Variants in NYAP2 observed in about 807,000 individuals in gnomAD.
NYAP2 encodes neuronal tyrosine-phosphorylated phosphoinositide-3-kinase adapter 2.
A neutral mutation model predicts 50.4 loss-of-function variants in NYAP2; 23 were observed. The ratio of observed to expected loss-of-function variants is 0.46; its 90% confidence interval spans 0.33 to 0.65. The LOEUF (loss-of-function observed/expected upper bound fraction) is 0.65. NYAP2 is among the 30% of genes least tolerant of loss of function. NYAP2 has a pLI of 0.02. For synonymous variants in NYAP2, 394 were observed against 365.2 expected, an observed-to-expected ratio of 1.08 and a Z score of -0.90; for missense variants, 885 against 861.0, an observed-to-expected ratio of 1.03 and a Z score of -0.35.
intron 3 of NYAP2, among the ~76,000 whole-genome samples, chr2:225,452,731 C>A (rs534552438): frequency 6.6e-6 from 1 of 152,194 alleles, no homozygotes; most frequent in African/African-American, 2.4e-5. Context: ...CTTTCCAAGT[C>A]AATAGTAAAA....
the NYAP2 span, among the ~76,000 whole-genome samples, chr2:225,691,762 C>G: frequency 6.6e-6 from 1 of 152,194 alleles, no homozygotes; most frequent in South Asian, 2.1e-4. Context: ...GGGTTTCATG[C>G]CTTCTCTTCC....
At chr2:225,627,773 A>G (rs1693234800) in intron 6 of NYAP2, among the ~76,000 whole-genome samples, 1 of 152,212 alleles carries the variant, frequency 6.6e-6, no homozygotes, top group Admixed American at 6.5e-5. Context: ...TTAAACATCA[A>G]CTTTTTAAAA....
chr2:225,645,109 T>A (rs1163143240), intron 6 of NYAP2, among the ~76,000 whole-genome samples: 1 of 151,992 alleles, frequency 6.6e-6, no homozygotes, highest in Non-Finnish European at 1.5e-5. Context: ...AAAATACAGG[T>A]TAGCCGTCCA....
At chr2:225,440,479 A>G (rs1363331255) in intron 3 of NYAP2, among the ~76,000 whole-genome samples, 1 of 152,220 alleles carries the variant, frequency 6.6e-6, no homozygotes, top group Non-Finnish European at 1.5e-5. Flanking sequence ...TTGGAGAAGC[A>G]TTGTGGTTCT....
intron 4 of NYAP2, among the ~76,000 whole-genome samples, chr2:225,569,078 T>A (rs1024218845): frequency 6.6e-6 from 1 of 152,150 alleles, no homozygotes; most frequent in Non-Finnish European, 1.5e-5. Context: ...TGCAGCTATA[T>A]GAGGGATAGC....
intron 4 of NYAP2, among the ~76,000 whole-genome samples, chr2:225,575,802 G>A (rs904952140): frequency 6.6e-6 from 1 of 152,202 alleles, no homozygotes; most frequent in African/African-American, 2.4e-5. Context: ...TCAGCCAGAT[G>A]TGTTCTGGCT....
chr2:225,483,575 CGT>C (rs1449915094), intron 3 of NYAP2, among the ~76,000 whole-genome samples: 3 of 151,970 alleles, frequency 2.0e-5, no homozygotes, highest in African/African-American at 4.8e-5. Context: ...AAAAGTGAGA[CGT>C]GTGTGCACAC....
At chr2:225,453,009 G>T (rs1322871775) in intron 3 of NYAP2, among the ~76,000 whole-genome samples, 1 of 152,182 alleles carries the variant, frequency 6.6e-6, no homozygotes, top group East Asian at 1.9e-4. Context: ...AGCATGCCCA[G>T]CTGAGTGATG....
At chr2:225,691,096 A>G in the NYAP2 span, among the ~76,000 whole-genome samples, 2 of 152,158 alleles carry the variant, frequency 1.3e-5, no homozygotes, top group East Asian at 3.8e-4. Flanking sequence ...CAGGTCTAGC[A>G]TACTATTTAT....
At chr2:225,627,126 G>A in exon 6 of NYAP2, 1 of 1,577,998 alleles carries the variant, frequency 6.3e-7, no homozygotes, top group Non-Finnish European at 8.6e-7. Flanking sequence ...CCACAGTTCA[G>A]GTAAGGCAGA....
chr2:225,667,259 TAAAGAAGCCA>T, the NYAP2 span, among the ~76,000 whole-genome samples: 29,393 of 152,126 alleles, frequency 0.19, 3,641 homozygotes, highest in Admixed American at 0.32. Flanking sequence ...TTCAGCCTGA[TAAAGAAGCCA>T]AATACGTGTG....
intron 5 of NYAP2, among the ~76,000 whole-genome samples, chr2:225,626,061 A>G (rs767830654): frequency 1.3e-5 from 2 of 152,192 alleles, no homozygotes; most frequent in African/African-American, 2.4e-5. Context: ...AAGAGAGAGA[A>G]AAGTTTCTAG....
chr2:225,657,142 C>T (rs951024867), downstream of NYAP2, among the ~76,000 whole-genome samples: 3 of 130,900 alleles, frequency 2.3e-5, no homozygotes, highest in African/African-American at 8.9e-5. Flanking sequence ...CAGAGCTTCA[C>T]TCTTGTTGCC....
rs536242971 is a variant in NYAP2, at chr2:225,646,411, C to T, written c.1829-5021C>T. Among the ~76,000 whole-genome samples the T allele has an allele frequency of 5.3e-5, 8 of 152,190 alleles. 1 individual carries two copies. The highest frequency in any genetic ancestry group is 1.7e-4 in the African/African-American group (7 of 41,538). On this transcript the variant is annotated intron_variant, in intron 6 of 6. Coordinates refer to ENST00000636099, the Ensembl canonical transcript of NYAP2. ...TACTAAAAATACAAAATTAGCCAGG[C>T]GTGGTGACGCCTGCCTGTAATCCCA...
the NYAP2 span, among the ~76,000 whole-genome samples, chr2:225,694,942 T>C: frequency 6.6e-6 from 1 of 151,640 alleles, no homozygotes; most frequent in East Asian, 1.9e-4. Context: ...ATGGAGTAAG[T>C]CTGAAAAAAA....
chr2:225,408,521 C>G (rs1694977429), intron 2 of NYAP2, among the ~76,000 whole-genome samples: 1 of 151,858 alleles, frequency 6.6e-6, no homozygotes, highest in South Asian at 2.1e-4. Flanking sequence ...TCTTATATAC[C>G]TTCTTTGTGT....
At chr2:225,517,283 T>G (rs1380396184) in intron 4 of NYAP2, among the ~76,000 whole-genome samples, 1 of 152,152 alleles carries the variant, frequency 6.6e-6, no homozygotes, top group Non-Finnish European at 1.5e-5. Context: ...CCTGCTTATT[T>G]TGAGGAAAGA....
intron 3 of NYAP2, among the ~76,000 whole-genome samples, chr2:225,459,218 G>T (rs1161758040): frequency 6.6e-6 from 1 of 152,034 alleles, no homozygotes. Context: ...TTTTAATTTG[G>T]ATTCTCATTG....
intron 3 of NYAP2, among the ~76,000 whole-genome samples, chr2:225,468,559 G>A (rs191885677): frequency 1.3e-5 from 2 of 152,254 alleles, no homozygotes; most frequent in African/African-American, 2.4e-5. Context: ...ATATATTCTA[G>A]GAAGAATTGG....
Sources: gnomAD v4.1 joint callset for allele counts (sites outside exome capture counted in the v4.1 genomes callset) on GRCh38, gnomAD v4.1.1 for gene constraint, MANE v1.5 for transcripts, NCBI Gene and HGNC (gene_info 2026-07-23, HGNC 2026-07-21) for gene names.